CDS2: variants seen among roughly 807,000 people sequenced by gnomAD.
CDS2 encodes the protein phosphatidate cytidylyltransferase 2.
CDS2 carries 47 observed loss-of-function variants against 59.0 expected under a neutral mutation model. The ratio of observed to expected loss-of-function variants is 0.80; its 90% CI spans 0.63 to 1.02. The LOEUF is 1.02. CDS2 is among the 50% of genes least tolerant of loss of function. The probability of loss-of-function intolerance (pLI) is 0.00; values close to 1 mark genes in which losing one functional copy is unlikely to be tolerated. For missense variants in CDS2, 356 were observed against 558.9 expected (o/e 0.64, Z 3.66); for synonymous variants, 207 against 206.4 (o/e 1.00, Z -0.02).
At chr20:5,185,709 C>G in intron 8 of CDS2, 49 bp from the exon 9 acceptor site, 1 of 1,507,578 alleles carries the variant, frequency 6.6e-7, no homozygotes, top group African/African-American at 1.4e-5. Context: ...GTTCGCAAAG[C>G]TATAGTTATC....
chr20:5,135,764 T>C (rs1189809211), intron 1 of CDS2, among the ~76,000 whole-genome samples: 4 of 152,158 alleles, frequency 2.6e-5, no homozygotes, highest in African/African-American at 9.7e-5. Context: ...AGTTAAACTT[T>C]ATGGTGTTAT....
At chr20:5,150,604 G>T (rs2090781144) in intron 1 of CDS2, among the ~76,000 whole-genome samples, 3 of 152,194 alleles carry the variant, frequency 2.0e-5, no homozygotes, top group Admixed American at 2.0e-4. Flanking sequence ...GTTCCATGGG[G>T]CCTGCAGGCC....
At chr20:5,189,864 A>C in intron 12 of CDS2, 26 bp downstream of exon 12, 1 of 1,566,922 alleles carries the variant, frequency 6.4e-7, no homozygotes, top group Non-Finnish European at 8.8e-7. Flanking sequence ...ATCTGAACCA[A>C]GTTGGTGGAT....
chr20:5,182,772 A>T (rs1386025784), intron 6 of CDS2, among the ~76,000 whole-genome samples: 1 of 152,156 alleles, frequency 6.6e-6, no homozygotes, highest in Non-Finnish European at 1.5e-5. Context: ...TCCCTGACTC[A>T]CTAGAGAACA....
In CDS2 at chr20:5,183,203, C is replaced by T. The variant is rs2091043623; in HGVS notation, c.671+60C>T. 3.6e-5 allele frequency: 51 copies of T among 1,408,560 alleles called. No homozygotes were observed. The South Asian group carries it at 5.1e-4, about 14-fold the overall frequency. 87.3% of individuals were successfully genotyped at this position (1,408,560 alleles called of 1,614,324 possible). A position where few individuals can be genotyped will look rare whatever the true frequency, so the allele number is the denominator to read the frequency against. On this transcript the variant is annotated intron_variant, in intron 7 of 12. Transcript: ENST00000460006. Reference sequence around the variant, plus strand: ...TGTGAGTGTTTCTCGTGTACAGATACCCCCCTCTAAGCCAGTGGCCCTCAC... The same window carrying T: ...TGTGAGTGTTTCTCGTGTACAGATATCCCCCTCTAAGCCAGTGGCCCTCAC...
Position 5,194,697 on chromosome 20 carries a change from T to C in CDS2, c.*4463T>C, listed in dbSNP as rs1304484618. 6.6e-6 allele frequency: 1 copy of C among 152,204 alleles called. No homozygotes were observed. The highest frequency in any genetic ancestry group is 1.5e-5 in the Non-Finnish European group (1 of 68,042). 9.4% of individuals were successfully genotyped at this position (152,204 alleles called of 1,614,324 possible). The stretch of plus-strand genomic sequence containing the variant: ...ATAGAGGGGCAGAGTTTGTGAAGTC[T>C]AGGGTTTTTTGTCCAGTGGGTTTCA... On this transcript the variant is annotated 3_prime_UTR_variant, in exon 13 of 13. Coordinates refer to ENST00000460006, the MANE Select transcript of CDS2 (RefSeq NM_003818.4).
At chr20:5,127,242 A>C in intron 1 of CDS2, 93 bp downstream of exon 1, 1 of 1,158,308 alleles carries the variant, frequency 8.6e-7, no homozygotes, top group Non-Finnish European at 1.1e-6. Context: ...TTGTTCTCTG[A>C]CCCTTTGTCG....
chr20:5,127,080 C>A lies in CDS2; in HGVS notation c.-13C>A. On this transcript the variant is annotated 5_prime_UTR_variant, in exon 1 of 13. Transcript: ENST00000460006. The stretch of plus-strand genomic sequence containing the variant: ...CTGCTAGCTCGCGGCGACGTCGGGC[C>A]GATTTTCCCAGGATGACAGAGCTGA... The A allele has an allele frequency of 6.7e-7, 1 of 1,490,798 alleles. No individual in the cohort carries two copies. The highest frequency in any genetic ancestry group is 8.9e-7 in the Non-Finnish European group (1 of 1,120,182). 92.3% of individuals were successfully genotyped at this position (1,490,798 alleles called of 1,614,324 possible).
intron 1 of CDS2, among the ~76,000 whole-genome samples, chr20:5,137,945 C>A (rs963396804): frequency 1.1e-4 from 17 of 151,178 alleles, no homozygotes; most frequent in Admixed American, 5.3e-4. Flanking sequence ...ACTACAGGCA[C>A]CCGCCACCAT....
At chr20:5,162,824 T>C (rs1274215777) in intron 1 of CDS2, among the ~76,000 whole-genome samples, 1 of 151,988 alleles carries the variant, frequency 6.6e-6, no homozygotes, top group Non-Finnish European at 1.5e-5. Flanking sequence ...CTGATAAGTA[T>C]GGTATGGAGG....
In CDS2 at chr20:5,186,849, A is replaced by C. The variant is rs572586732; in HGVS notation, c.981+10A>C. On this transcript the variant is annotated intron_variant, in intron 10 of 12. Transcript: ENST00000460006. The stretch of plus-strand genomic sequence containing the variant: ...GTCAGTCATTGGCTGGGTATGTGCC[A>C]CTCACAGGGGGTGAGCGGCCTCCAT... 1 of 1,613,690 alleles carries C rather than the reference A, an allele frequency of 6.2e-7. No homozygotes were observed. Among genetic ancestry groups the C allele is most frequent in the Non-Finnish European group, 8.5e-7 (1 of 1,179,774 alleles).
intron 1 of CDS2, among the ~76,000 whole-genome samples, chr20:5,154,478 C>T (rs1457526518): frequency 2.6e-5 from 4 of 152,174 alleles, no homozygotes; most frequent in South Asian, 4.1e-4. Flanking sequence ...TCTGAGCATT[C>T]GTCCAAATGG....
intron 1 of CDS2, among the ~76,000 whole-genome samples, chr20:5,155,416 C>G (rs2090825462): frequency 6.6e-6 from 1 of 152,202 alleles, no homozygotes; most frequent in Admixed American, 6.5e-5. Context: ...AAGGCAGTCC[C>G]TACTTTTTAT....
At chr20:5,150,653 G>T (rs2090781663) in intron 1 of CDS2, among the ~76,000 whole-genome samples, 1 of 152,208 alleles carries the variant, frequency 6.6e-6, no homozygotes. Context: ...GGCCTGTGTG[G>T]CACAGTGCCC....
At chr20:5,165,039 T>TTCCTTGTCAC (rs2090903568) in intron 1 of CDS2, among the ~76,000 whole-genome samples, 1 of 152,158 alleles carries the variant, frequency 6.6e-6, no homozygotes, top group Admixed American at 6.5e-5. Flanking sequence ...TTCCTGGTCA[T>TTCCTTGTCAC]TCCTTGTCAC....
At chr20:5,163,595 A>G (rs2090891552) in intron 1 of CDS2, among the ~76,000 whole-genome samples, 1 of 152,004 alleles carries the variant, frequency 6.6e-6, no homozygotes, top group Non-Finnish European at 1.5e-5. Context: ...TGAACTCATA[A>G]ATTTTCATAT....
At chr20:5,138,868 A>T (rs1311757303) in intron 1 of CDS2, among the ~76,000 whole-genome samples, 3 of 152,052 alleles carry the variant, frequency 2.0e-5, no homozygotes, top group Admixed American at 6.5e-5. Context: ...CGTACTACCT[A>T]AAACAATGTG....
intron 11 of CDS2, among the ~76,000 whole-genome samples, 160 bp downstream of exon 11, chr20:5,189,346 A>G (rs1054401250): frequency 6.6e-6 from 1 of 152,148 alleles, no homozygotes; most frequent in African/African-American, 2.4e-5. Flanking sequence ...ATTAATAACA[A>G]TATTTTCAGG....
At position 5,188,961 on chromosome 20, in the gene CDS2, C is replaced by T. The variant is rs917791738; in HGVS notation, c.982-106C>T. On this transcript the variant is annotated intron_variant, in intron 10 of 12. Transcript: ENST00000460006. ...AAACACCTCCCACTAGGCATCACCT[C>T]CCAGTGAGGCCACAATGAGGATCAA... 3.5e-6 allele frequency: 5 copies of T among 1,426,692 alleles called. No homozygotes were observed. In the African/African-American group the frequency reaches 4.2e-5, roughly 12 times the overall value. 88.4% of individuals were successfully genotyped at this position (1,426,692 alleles called of 1,614,324 possible).
Sources: gnomAD v4.1 joint callset for allele counts (sites outside exome capture counted in the v4.1 genomes callset) on GRCh38, gnomAD v4.1.1 for gene constraint, MANE v1.5 for transcripts, NCBI Gene and HGNC (gene_info 2026-07-23, HGNC 2026-07-21) for gene names.